The following IPMK variants were observed in gnomAD, a reference collection of about 807,000 sequenced individuals.
The protein encoded by IPMK is inositol 1,3,4,6-tetrakisphosphate 5-kinase.
In IPMK, 17 loss-of-function variants were observed where a neutral mutation model predicts 45.8. That is an observed-to-expected ratio of 0.37 (90% confidence interval 0.25 to 0.56). The LOEUF (loss-of-function observed/expected upper bound fraction) is 0.56. Ranked by LOEUF, IPMK falls within the 20% of genes least tolerant of loss-of-function variation. The probability of loss-of-function intolerance (pLI) is 0.79; values close to 1 mark genes in which losing one functional copy is unlikely to be tolerated. For synonymous variants in IPMK, 180 were observed against 184.3 expected (o/e 0.98, Z 0.19); for missense variants, 399 against 498.0 (o/e 0.80, Z 1.89).
At chr10:58,215,709 C>T (rs895935687) in intron 4 of IPMK, among the ~76,000 whole-genome samples, 3 of 152,146 alleles carry the variant, frequency 2.0e-5, no homozygotes, top group African/African-American at 7.2e-5. Flanking sequence ...TGTGCCCGGC[C>T]ACACAATTAC....
intron 3 of IPMK, among the ~76,000 whole-genome samples, chr10:58,225,023 TA>T (rs1838391776): frequency 6.6e-6 from 1 of 152,166 alleles, no homozygotes; most frequent in Non-Finnish European, 1.5e-5. Flanking sequence ...CTTCCAGAGC[TA>T]ACAAAGTAGG....
chr10:58,207,162 C>A (rs1838083324), intron 4 of IPMK, among the ~76,000 whole-genome samples: 1 of 152,172 alleles, frequency 6.6e-6, no homozygotes, highest in African/African-American at 2.4e-5. Flanking sequence ...ACCACCAAGC[C>A]TGGCTAAATG....
chr10:58,220,818 T>C (rs189026197), intron 3 of IPMK, among the ~76,000 whole-genome samples: 2 of 152,322 alleles, frequency 1.3e-5, no homozygotes, highest in Admixed American at 6.5e-5. Flanking sequence ...TGCTACGTAT[T>C]TGGTACTCAC....
intron 3 of IPMK, among the ~76,000 whole-genome samples, chr10:58,221,570 G>T (rs1564531862): frequency 6.6e-6 from 1 of 151,916 alleles, no homozygotes; most frequent in Non-Finnish European, 1.5e-5. Flanking sequence ...TGTTGTTATT[G>T]TTGTTTGAGA....
intron 1 of IPMK, among the ~76,000 whole-genome samples, chr10:58,242,695 G>C (rs1838714304): frequency 1.3e-5 from 2 of 152,084 alleles, no homozygotes; most frequent in African/African-American, 4.8e-5. Flanking sequence ...AAAAAGGAAG[G>C]AGAAATCAGA....
At chr10:58,260,810 T>G (rs1415295974) in intron 1 of IPMK, among the ~76,000 whole-genome samples, 1 of 152,182 alleles carries the variant, frequency 6.6e-6, no homozygotes, top group Non-Finnish European at 1.5e-5. Context: ...GTTCAAGTAT[T>G]GGAAGACTCA....
intron 1 of IPMK, among the ~76,000 whole-genome samples, chr10:58,247,085 C>T (rs1286234729): frequency 1.3e-5 from 2 of 150,440 alleles, no homozygotes; most frequent in Non-Finnish European, 2.9e-5. Context: ...CAGAGAAATG[C>T]AAATCAAAAC....
intron 1 of IPMK, among the ~76,000 whole-genome samples, chr10:58,264,992 AT>A (rs972276771): frequency 1.3e-5 from 2 of 152,116 alleles, no homozygotes; most frequent in African/African-American, 4.8e-5. Flanking sequence ...CTTAAACTGA[AT>A]TTTTTTCCTA....
At chr10:58,215,264 G>T (rs1462509856) in intron 4 of IPMK, among the ~76,000 whole-genome samples, 1 of 152,048 alleles carries the variant, frequency 6.6e-6, no homozygotes, top group Non-Finnish European at 1.5e-5. Context: ...GATTGCAGAA[G>T]GAACCCTAAA....
At chr10:58,199,633 T>G (rs1837968975) in intron 4 of IPMK, among the ~76,000 whole-genome samples, 1 of 152,168 alleles carries the variant, frequency 6.6e-6, no homozygotes, top group African/African-American at 2.4e-5. Context: ...GCACTTCTTT[T>G]AAAATACAAG....
In IPMK at chr10:58,227,106, G is replaced by C. The variant is rs779654611; in HGVS notation, c.310C>G (p.Leu104Val). 5 of 1,613,208 alleles carry C rather than the reference G, an allele frequency of 3.1e-6. No individual in the cohort carries two copies. The South Asian group carries it at 5.5e-5, about 18-fold the overall frequency. Residue 104 changes from leucine (L) to valine (V), a missense_variant, in exon 3 of 6, where the codon CTA becomes GTA. This residue lies in a region of IPMK where 288 missense variants were observed against 398.0 expected (regional missense o/e 0.72). Coordinates refer to ENST00000373935, the MANE Select transcript of IPMK (RefSeq NM_152230.5). ...YAADCFDGVLLELRKYLPKYY... is the reference protein window; with the variant it reads ...YAADCFDGVLVELRKYLPKYY... Reference sequence around the variant, plus strand: ...TTTGGCAAATATTTTCGTAGCTCTAGAAGAACACCATCAAAACAGTCAGCA... The same window carrying C: ...TTTGGCAAATATTTTCGTAGCTCTACAAGAACACCATCAAAACAGTCAGCA...
chr10:58,195,998 T>C lies in IPMK; in HGVS notation c.*78A>G, dbSNP rs1837886801. 4.5e-6 allele frequency: 6 copies of C among 1,340,198 alleles called. No individual in the cohort carries two copies. The highest frequency in any genetic ancestry group is 6.1e-6 in the Non-Finnish European group (6 of 980,578). 83.0% of individuals were successfully genotyped at this position (1,340,198 alleles called of 1,614,324 possible). A position where few individuals can be genotyped will look rare whatever the true frequency, so the allele number is the denominator to read the frequency against. ...CGACTCATAATACAAATTTTTTACATAGCATTAAAGGTGCAGATATTGACT... is the reference window on the plus strand; with the variant it reads ...CGACTCATAATACAAATTTTTTACACAGCATTAAAGGTGCAGATATTGACT... On this transcript the variant is annotated 3_prime_UTR_variant, in exon 6 of 6. Coordinates refer to ENST00000373935, the MANE Select transcript of IPMK (RefSeq NM_152230.5).
chr10:58,234,315 T>C (rs1838574867), intron 2 of IPMK, among the ~76,000 whole-genome samples: 2 of 152,184 alleles, frequency 1.3e-5, no homozygotes, highest in Admixed American at 1.3e-4. Flanking sequence ...AAAAAACTAC[T>C]TTAAAGATCA....
At chr10:58,256,035 C>T (rs535738758) in intron 1 of IPMK, among the ~76,000 whole-genome samples, 1 of 152,116 alleles carries the variant, frequency 6.6e-6, no homozygotes, top group African/African-American at 2.4e-5. Context: ...CACCTCAGGA[C>T]CCTGGATTGC....
chr10:58,225,424 G>C (rs1689156850), intron 3 of IPMK, among the ~76,000 whole-genome samples: 1 of 151,966 alleles, frequency 6.6e-6, no homozygotes, highest in Non-Finnish European at 1.5e-5. Flanking sequence ...TGAACTTCAA[G>C]ATTATATAGT....
chr10:58,229,270 T>C (rs1029518810), intron 2 of IPMK, among the ~76,000 whole-genome samples: 2 of 152,058 alleles, frequency 1.3e-5, no homozygotes, highest in African/African-American at 4.8e-5. Context: ...TAAAAAATAA[T>C]CTAGGCCAGG....
chr10:58,250,777 C>T (rs1838869780), intron 1 of IPMK, among the ~76,000 whole-genome samples: 1 of 152,164 alleles, frequency 6.6e-6, no homozygotes, highest in Admixed American at 6.5e-5. Context: ...AAGGGCTTCA[C>T]TTTTTCCCAA....
At chr10:58,216,080 C>A in intron 4 of IPMK, 65 bp downstream of exon 4, 1 of 1,017,038 alleles carries the variant, frequency 9.8e-7, no homozygotes. Context: ...ACAATGACAT[C>A]CATAATTTTC....
chr10:58,205,752 C>G (rs571792217), intron 4 of IPMK, among the ~76,000 whole-genome samples: 2 of 152,074 alleles, frequency 1.3e-5, no homozygotes, highest in Non-Finnish European at 2.9e-5. Flanking sequence ...GTGATGAGTA[C>G]GCTAAAATCT....
Sources: allele counts gnomAD v4.1 joint callset (sites outside exome capture counted in the v4.1 genomes callset), GRCh38; gene constraint gnomAD v4.1.1; regional missense constraint gnomAD v4.1.1; transcripts MANE v1.5; gene names NCBI Gene and HGNC (gene_info 2026-07-23, HGNC 2026-07-21).